The following ST6GALNAC3 variants were observed in gnomAD, a reference collection of about 807,000 sequenced individuals.
ST6GALNAC3 encodes ST6 N-acetylgalactosaminide alpha-2,6-sialyltransferase 3, also known as alpha-N-acetylgalactosaminide alpha-2,6-sialyltransferase 3.
A neutral mutation model predicts 32.7 loss-of-function variants in ST6GALNAC3; 25 were observed. The observed-to-expected ratio is 0.76, with a 90% CI of 0.56 to 1.07. The LOEUF is 1.07. Ranked by LOEUF, ST6GALNAC3 falls within the 50% of genes least tolerant of loss-of-function variation. ST6GALNAC3 has a pLI of 0.00. For missense variants in ST6GALNAC3, 355 were observed against 382.4 expected, an observed-to-expected ratio of 0.93 and a Z score of 0.60; for synonymous variants, 129 against 133.1, an observed-to-expected ratio of 0.97 and a Z score of 0.21.
At chr1:76,130,753 G>A (rs1649557858) in intron 1 of ST6GALNAC3, among the ~76,000 whole-genome samples, 1 of 152,198 alleles carries the variant, frequency 6.6e-6, no homozygotes, top group South Asian at 2.1e-4. Context: ...CCAATAGCAA[G>A]CAAGAAGCTG....
chr1:76,445,818 C>T (rs909760645), intron 3 of ST6GALNAC3, among the ~76,000 whole-genome samples: 4 of 152,136 alleles, frequency 2.6e-5, no homozygotes, highest in African/African-American at 9.7e-5. Context: ...GCAGCCCACT[C>T]CACCCCTCGT....
chr1:76,627,776 GGA>G (rs763032335), intron 4 of ST6GALNAC3, among the ~76,000 whole-genome samples: 10 of 151,954 alleles, frequency 6.6e-5, no homozygotes, highest in Non-Finnish European at 1.5e-4. Context: ...TCAAATGTCA[GGA>G]GGAACACTTT....
At chr1:76,552,772 G>A (rs1664711898) in intron 3 of ST6GALNAC3, among the ~76,000 whole-genome samples, 1 of 152,062 alleles carries the variant, frequency 6.6e-6, no homozygotes, top group Non-Finnish European at 1.5e-5. Context: ...ACTCCTAACA[G>A]CATTAAAGAG....
At position 76,502,599 on chromosome 1, in the gene ST6GALNAC3, C is replaced by G. The variant is rs190530091; in HGVS notation, c.623+90182C>G. Reference sequence around the variant, plus strand: ...TCCAGATTTCCTCCTTTTATAGAGACAGCAGTCAGATTGGATTAAGGCCCA... The same window carrying G: ...TCCAGATTTCCTCCTTTTATAGAGAGAGCAGTCAGATTGGATTAAGGCCCA... On this transcript the variant is annotated intron_variant, in intron 3 of 4. Coordinates refer to ENST00000328299, the MANE Select transcript of ST6GALNAC3 (RefSeq NM_152996.4). Among the ~76,000 whole-genome samples, 508 of 152,250 alleles carry G rather than the reference C, an allele frequency of 3.3e-3. 3 individuals are homozygous for G. Among genetic ancestry groups the G allele is most frequent in the Non-Finnish European group, 5.5e-3 (377 of 68,030 alleles).
At chr1:76,259,267 A>G (rs574751384) in intron 1 of ST6GALNAC3, among the ~76,000 whole-genome samples, 1 of 152,302 alleles carries the variant, frequency 6.6e-6, no homozygotes, top group East Asian at 1.9e-4. Flanking sequence ...TGACAGAAGA[A>G]ATCAAACAGC....
At chr1:76,287,489 C>G (rs1659852465) in intron 1 of ST6GALNAC3, among the ~76,000 whole-genome samples, 2 of 150,254 alleles carry the variant, frequency 1.3e-5, no homozygotes, top group African/African-American at 4.9e-5. Flanking sequence ...ACTGAAGCCT[C>G]TCCCCAACCG....
chr1:76,092,809 T>C lies in ST6GALNAC3; in HGVS notation c.18+17925T>C, dbSNP rs114791686. ...GGCCATTCCATGGTGAGCAGCAGAG[T>C]TGAGGTTCAAACCCAGACTGCCTGG... On this transcript the variant is annotated intron_variant, in intron 1 of 4. Transcript: ENST00000328299. 7.5e-3 allele frequency among the ~76,000 whole-genome samples: 1,148 copies of C among 152,202 alleles called. 10 individuals are homozygous for C. Among genetic ancestry groups the C allele is most frequent in the African/African-American group, 0.026 (1,062 of 41,530 alleles).
intron 2 of ST6GALNAC3, among the ~76,000 whole-genome samples, chr1:76,339,305 GA>G (rs1647763957): frequency 6.6e-6 from 1 of 152,178 alleles, no homozygotes; most frequent in South Asian, 2.1e-4. Flanking sequence ...GTCAGATTCA[GA>G]GATTTAAAGA....
At chr1:76,595,118 G>A (rs1480076840) in intron 3 of ST6GALNAC3, among the ~76,000 whole-genome samples, 1 of 152,150 alleles carries the variant, frequency 6.6e-6, no homozygotes, top group Non-Finnish European at 1.5e-5. Context: ...CAGTGTAAGA[G>A]CAGCTAGGGG....
At chr1:76,148,822 G>A (rs1570196283) in intron 1 of ST6GALNAC3, among the ~76,000 whole-genome samples, 1 of 152,120 alleles carries the variant, frequency 6.6e-6, no homozygotes, top group East Asian at 1.9e-4. Flanking sequence ...ATCACCACCT[G>A]AAACTTGTTC....
At position 76,389,294 on chromosome 1, in the gene ST6GALNAC3, A is replaced by G. The variant is rs1356317445; in HGVS notation, c.214-22714A>G. ...CCTGAGGCTGAGACAAGAACATGGCATGGTTGAGAAATGTAAAGAAATTAA... is the reference window on the plus strand; with the variant it reads ...CCTGAGGCTGAGACAAGAACATGGCGTGGTTGAGAAATGTAAAGAAATTAA... On this transcript the variant is annotated intron_variant, in intron 2 of 4. Transcript: ENST00000328299. Among the ~76,000 whole-genome samples the G allele has an allele frequency of 2.0e-5, 3 of 152,122 alleles. No homozygotes were observed. The East Asian group carries it at 5.8e-4, about 29-fold the overall frequency.
At chr1:76,452,555 AT>A (rs1571274624) in intron 3 of ST6GALNAC3, among the ~76,000 whole-genome samples, 1 of 151,840 alleles carries the variant, frequency 6.6e-6, no homozygotes, top group East Asian at 1.9e-4. Flanking sequence ...TTTGTTTTTA[AT>A]TCTGTTTTTG....
chr1:76,246,447 T>C (rs529824588), intron 1 of ST6GALNAC3, among the ~76,000 whole-genome samples: 1 of 152,354 alleles, frequency 6.6e-6, no homozygotes, highest in East Asian at 1.9e-4. Flanking sequence ...TTTGATCCTG[T>C]CATCTTGATG....
intron 3 of ST6GALNAC3, among the ~76,000 whole-genome samples, chr1:76,505,864 C>T (rs566422108): frequency 6.6e-6 from 1 of 152,054 alleles, no homozygotes; most frequent in Non-Finnish European, 1.5e-5. Flanking sequence ...AAAGTGGGTG[C>T]AGCTTAAATT....
At chr1:76,447,463 C>T (rs959171396) in intron 3 of ST6GALNAC3, among the ~76,000 whole-genome samples, 1 of 152,090 alleles carries the variant, frequency 6.6e-6, no homozygotes, top group African/African-American at 2.4e-5. Context: ...GAAATTGAAG[C>T]CCTGCAGAAA....
chr1:76,225,193 T>C (rs1655997205), intron 1 of ST6GALNAC3, among the ~76,000 whole-genome samples: 1 of 152,150 alleles, frequency 6.6e-6, no homozygotes, highest in South Asian at 2.1e-4. Flanking sequence ...GCTGAAAGGC[T>C]TTAAAAGGCC....
chr1:76,555,111 T>C (rs1308800967), intron 3 of ST6GALNAC3, among the ~76,000 whole-genome samples: 1 of 152,118 alleles, frequency 6.6e-6, no homozygotes. Flanking sequence ...CCTTGAATAA[T>C]ATATGAGGAG....
intron 3 of ST6GALNAC3, among the ~76,000 whole-genome samples, chr1:76,619,568 A>G (rs182525232): frequency 3.3e-5 from 5 of 152,258 alleles, no homozygotes; most frequent in Admixed American, 6.5e-5. Context: ...AATTCTGTCA[A>G]TTTTCTTCTG....
chr1:76,459,879 A>G (rs940950140), intron 3 of ST6GALNAC3, among the ~76,000 whole-genome samples: 4 of 152,178 alleles, frequency 2.6e-5, no homozygotes, highest in Non-Finnish European at 5.9e-5. Flanking sequence ...CATTTTGTTT[A>G]TTCAATCATC....
Sources: allele counts gnomAD v4.1 joint callset (sites outside exome capture counted in the v4.1 genomes callset), GRCh38; gene constraint gnomAD v4.1.1; transcripts MANE v1.5; gene names NCBI Gene and HGNC (gene_info 2026-07-23, HGNC 2026-07-21).